The following ECT2L variants were observed in gnomAD, a reference collection of about 807,000 sequenced individuals.
ECT2L encodes the protein epithelial cell transforming 2 like, also known as epithelial cell-transforming sequence 2 oncogene-like.
ECT2L carries 126 observed loss-of-function variants against 122.8 expected under a neutral mutation model. That is an observed-to-expected ratio of 1.03 (90% CI 0.89 to 1.19). The LOEUF is 1.19. Among genes scored for constraint, ECT2L ranks in the 50% most tolerant of loss-of-function variants. The pLI is 0.00. For missense variants in ECT2L, 1,012 were observed against 1,064.1 expected, an observed-to-expected ratio of 0.95 and a Z score of 0.68; for synonymous variants, 385 against 381.8, an observed-to-expected ratio of 1.01 and a Z score of -0.10.
intron 10 of ECT2L, among the ~76,000 whole-genome samples, chr6:138,855,065 A>T (rs1777568717): frequency 6.6e-6 from 1 of 152,192 alleles, no homozygotes; most frequent in Admixed American, 6.5e-5. Flanking sequence ...ACTGTTCAAC[A>T]TATGCAAAGC....
intron 7 of ECT2L, among the ~76,000 whole-genome samples, chr6:138,844,795 CTTTT>C (rs11398299): frequency 5.5e-5 from 7 of 126,664 alleles, no homozygotes; most frequent in African/African-American, 9.0e-5. Context: ...TTTAAATGTT[CTTTT>C]TTTTTTTTTT....
At chr6:138,850,161 A>G (rs1410818848) in intron 9 of ECT2L, among the ~76,000 whole-genome samples, 2 of 150,644 alleles carry the variant, frequency 1.3e-5, no homozygotes, top group East Asian at 3.9e-4. Flanking sequence ...TTTTTTCGAG[A>G]CAGAGTCTTG....
chr6:138,830,835 GCTCT>G (rs772682058), intron 4 of ECT2L, among the ~76,000 whole-genome samples: 35 of 152,160 alleles, frequency 2.3e-4, no homozygotes, highest in Non-Finnish European at 4.3e-4. Context: ...TTCACTCTGT[GCTCT>G]CTGTGTAGAG....
At chr6:138,889,793 A>G (rs1203652860) in intron 20 of ECT2L, among the ~76,000 whole-genome samples, 1 of 152,254 alleles carries the variant, frequency 6.6e-6, no homozygotes, top group Non-Finnish European at 1.5e-5. Context: ...AAGAAAAAAA[A>G]GATGGAAGGA....
At chr6:138,865,316 C>T in intron 12 of ECT2L, 138 bp downstream of exon 12, 1 of 692,470 alleles carries the variant, frequency 1.4e-6, no homozygotes, top group Non-Finnish European at 2.2e-6. Flanking sequence ...CTAGGTTGCT[C>T]ACACGGCCTT....
Position 138,865,185 on chromosome 6 carries a change from A to C in ECT2L, c.1474+7A>C, listed in dbSNP as rs1332576014. On this transcript the variant is annotated splice_region_variant and intron_variant, in intron 12 of 21. Transcript: ENST00000541398. ...ATCAGTGGCAGGATGATAGGTAAGC[A>C]GTCTTGCTACTTCTGTTGCAGGTTA... 2 of 1,595,148 alleles carry C rather than the reference A, an allele frequency of 1.3e-6. No homozygotes were observed. Among genetic ancestry groups the C allele is most frequent in the African/African-American group, 2.7e-5 (2 of 74,578 alleles).
At chr6:138,803,490 A>G (rs1333654208) in intron 1 of ECT2L, among the ~76,000 whole-genome samples, 1 of 152,186 alleles carries the variant, frequency 6.6e-6, no homozygotes, top group Non-Finnish European at 1.5e-5. Flanking sequence ...TAAAAATCCC[A>G]TATGTTGGCT....
intron 4 of ECT2L, among the ~76,000 whole-genome samples, chr6:138,818,314 G>A (rs1020687292): frequency 1.3e-5 from 2 of 151,580 alleles, no homozygotes; most frequent in Non-Finnish European, 2.9e-5. Context: ...ATCCACCAAG[G>A]TGTATTAAGA....
intron 1 of ECT2L, among the ~76,000 whole-genome samples, chr6:138,801,826 A>G (rs1341562100): frequency 6.6e-6 from 1 of 152,240 alleles, no homozygotes; most frequent in African/African-American, 2.4e-5. Context: ...TGGAAACAGT[A>G]GGAAAACAGG....
intron 14 of ECT2L, among the ~76,000 whole-genome samples, chr6:138,877,830 T>C (rs549058083): frequency 1.8e-4 from 27 of 152,176 alleles, no homozygotes; most frequent in East Asian, 1.5e-3. Flanking sequence ...GGCAGGAGGA[T>C]TGCTTGAGCC....
intron 12 of ECT2L, 87 bp from the exon 13 acceptor site, chr6:138,868,016 A>AG (rs370052449): frequency 0.073 from 50,653 of 698,384 alleles, 1,368 homozygotes; most frequent in Non-Finnish European, 0.078. Context: ...AAAAAAAAAA[A>AG]AAAGAAACTG....
intron 12 of ECT2L, among the ~76,000 whole-genome samples, chr6:138,867,655 C>CAAAAAAAAAAA (rs71009601): frequency 8.7e-6 from 1 of 114,446 alleles, no homozygotes; most frequent in Non-Finnish European, 1.7e-5. Context: ...CCTAAAACTA[C>CAAAAAAAAAAA]AAAAAAAAAA....
intron 10 of ECT2L, among the ~76,000 whole-genome samples, chr6:138,860,205 A>G (rs1777774769): frequency 1.3e-5 from 2 of 152,086 alleles, no homozygotes; most frequent in Admixed American, 6.6e-5. Context: ...ATATCTAAAA[A>G]CGATTTACCT....
intron 20 of ECT2L, among the ~76,000 whole-genome samples, chr6:138,897,850 T>C (rs1008440524): frequency 6.6e-6 from 1 of 152,122 alleles, no homozygotes; most frequent in African/African-American, 2.4e-5. Flanking sequence ...TGGAATTCTC[T>C]TTCATTCACC....
intron 6 of ECT2L, among the ~76,000 whole-genome samples, chr6:138,843,982 C>T (rs1051370853): frequency 1.3e-5 from 2 of 152,170 alleles, no homozygotes; most frequent in East Asian, 1.9e-4. Context: ...AGCCACGGCG[C>T]CCAGCCTCAG....
At chr6:138,846,887 A>G (rs1171222430) in intron 8 of ECT2L, among the ~76,000 whole-genome samples, 1 of 148,218 alleles carries the variant, frequency 6.7e-6, no homozygotes, top group Non-Finnish European at 1.5e-5. Context: ...ACTGGAGCCC[A>G]GGAGATGGAG....
intron 4 of ECT2L, among the ~76,000 whole-genome samples, chr6:138,816,547 C>T (rs1226603800): frequency 2.6e-5 from 4 of 151,994 alleles, no homozygotes; most frequent in African/African-American, 9.7e-5. Flanking sequence ...TGCAGTGGCG[C>T]GATCTCAGCT....
chr6:138,861,200 T>G (rs1195188428), intron 10 of ECT2L, among the ~76,000 whole-genome samples: 1 of 152,218 alleles, frequency 6.6e-6, no homozygotes, highest in Non-Finnish European at 1.5e-5. Context: ...CATGTTCATG[T>G]GTCTTTATAC....
chr6:138,901,402 T>C (rs1406623881), intron 21 of ECT2L, among the ~76,000 whole-genome samples: 1 of 152,240 alleles, frequency 6.6e-6, no homozygotes, highest in Admixed American at 6.5e-5. Flanking sequence ...TTTGAAGCAG[T>C]GACATGAGAG....
Sources: gnomAD v4.1 joint callset for allele counts (sites outside exome capture counted in the v4.1 genomes callset) on GRCh38, gnomAD v4.1.1 for gene constraint, MANE v1.5 for transcripts, NCBI Gene and HGNC (gene_info 2026-07-23, HGNC 2026-07-21) for gene names.